Variants in MLLT3 observed in about 807,000 individuals in gnomAD.
MLLT3 encodes the protein MLLT3 super elongation complex subunit, also known as protein AF-9.
Under a neutral mutation model 53.2 loss-of-function variants are expected in MLLT3, and 4 were observed. The observed-to-expected ratio is 0.08, with a 90% CI of 0.04 to 0.17. The LOEUF is 0.17. Among genes scored for constraint, MLLT3 ranks in the 10% least tolerant of loss-of-function variants. MLLT3 has a pLI of 1.00. For missense variants in MLLT3, 569 were observed against 684.0 expected (o/e 0.83, Z 1.87); for synonymous variants, 283 against 230.6 (o/e 1.23, Z -2.06).
At chr9:20,503,489 A>C (rs1199263548) in intron 2 of MLLT3, among the ~76,000 whole-genome samples, 1 of 152,190 alleles carries the variant, frequency 6.6e-6, no homozygotes, top group Non-Finnish European at 1.5e-5. Context: ...ACTGGACACC[A>C]CACACATAAG....
rs189542410 is a variant in MLLT3, at chr9:20,605,888, G to C, written c.193+14766C>G. On this transcript the variant is annotated intron_variant, in intron 2 of 10. Coordinates refer to ENST00000380338, the MANE Select transcript of MLLT3 (RefSeq NM_004529.4). ...AAGACAATTACTAAGTGTTGGTTTTGTAAAGGAGTACAAATTACTTAACAT... is the reference window on the plus strand; with the variant it reads ...AAGACAATTACTAAGTGTTGGTTTTCTAAAGGAGTACAAATTACTTAACAT... Among the ~76,000 whole-genome samples, 7 of 152,136 alleles carry C rather than the reference G, an allele frequency of 4.6e-5. No homozygotes were observed. The East Asian group carries it at 1.4e-3, about 29-fold the overall frequency.
intron 9 of MLLT3, 118 bp downstream of exon 9, chr9:20,354,690 C>G: frequency 5.7e-6 from 4 of 707,728 alleles, no homozygotes; most frequent in Non-Finnish European, 9.9e-6. Context: ...ATTTGGGCAT[C>G]TTGGACACTT....
In MLLT3 at chr9:20,409,864, G is replaced by A. The variant is rs1250471889; in HGVS notation, c.1125+3857C>T. Reference sequence around the variant, plus strand: ...AATTATTCTTTCAGTTATATTAACAGTAACTCAAAGATAAATCATTTCTTA... The same window carrying A: ...AATTATTCTTTCAGTTATATTAACAATAACTCAAAGATAAATCATTTCTTA... On this transcript the variant is annotated intron_variant, in intron 5 of 10. Transcript: ENST00000380338. 2.0e-5 allele frequency among the ~76,000 whole-genome samples: 3 copies of A among 152,142 alleles called. No individual in the cohort carries two copies. In the East Asian group the frequency reaches 5.8e-4, roughly 29 times the overall value.
chr9:20,380,779 T>A (rs991917828), intron 5 of MLLT3, among the ~76,000 whole-genome samples: 1 of 152,020 alleles, frequency 6.6e-6, no homozygotes, highest in African/African-American at 2.4e-5. Context: ...TTAGGAACAA[T>A]GTGAAATGCG....
At chr9:20,606,633 AGT>A (rs1820578355) in intron 2 of MLLT3, among the ~76,000 whole-genome samples, 1 of 152,272 alleles carries the variant, frequency 6.6e-6, no homozygotes, top group Admixed American at 6.5e-5. Flanking sequence ...AAATTCACTC[AGT>A]GTCTTTCAAT....
intron 2 of MLLT3, among the ~76,000 whole-genome samples, chr9:20,569,737 C>A (rs146956327): frequency 6.6e-6 from 1 of 152,186 alleles, no homozygotes; most frequent in African/African-American, 2.4e-5. Flanking sequence ...TCTCCACTCA[C>A]AAGTTCTATG....
At chr9:20,522,007 GT>G (rs11345001) in intron 2 of MLLT3, among the ~76,000 whole-genome samples, 68,214 of 144,734 alleles carry the variant, frequency 0.47, 16,012 homozygotes, top group East Asian at 0.69. Flanking sequence ...GACTGTCACA[GT>G]TTTTTTTTTT....
chr9:20,583,827 G>A (rs887319126), intron 2 of MLLT3, among the ~76,000 whole-genome samples: 1 of 152,164 alleles, frequency 6.6e-6, no homozygotes, highest in African/African-American at 2.4e-5. Context: ...GGCATGTGAT[G>A]GAAGGCGCTG....
intron 2 of MLLT3, among the ~76,000 whole-genome samples, chr9:20,463,797 T>G (rs1824170084): frequency 6.6e-6 from 1 of 152,130 alleles, no homozygotes; most frequent in East Asian, 1.9e-4. Flanking sequence ...TTATTATCAT[T>G]TTCTTAAAGT....
intron 2 of MLLT3, among the ~76,000 whole-genome samples, chr9:20,513,155 TG>T (rs1297058833): frequency 1.3e-5 from 2 of 152,216 alleles, no homozygotes; most frequent in African/African-American, 4.8e-5. Flanking sequence ...TTCTTCATCC[TG>T]GCAGACAGCC....
chr9:20,513,799 T>C (rs543342509), intron 2 of MLLT3, among the ~76,000 whole-genome samples: 1 of 152,336 alleles, frequency 6.6e-6, no homozygotes, highest in Admixed American at 6.5e-5. Context: ...GCCCTGCTTC[T>C]GTGTGAAACA....
intron 5 of MLLT3, among the ~76,000 whole-genome samples, chr9:20,404,088 C>T (rs574264868): frequency 2.0e-5 from 3 of 152,094 alleles, no homozygotes; most frequent in South Asian, 2.1e-4. Flanking sequence ...CCCAAAGTGC[C>T]GGGACTACAG....
rs549237553 is a variant in MLLT3, at chr9:20,526,571, G to A, written c.194-69785C>T. Among the ~76,000 whole-genome samples, 14 of 152,220 alleles carry A rather than the reference G, an allele frequency of 9.2e-5. No individual in the cohort carries two copies. In the South Asian group the frequency reaches 2.7e-3, roughly 29 times the overall value. On this transcript the variant is annotated intron_variant, in intron 2 of 10. Coordinates refer to ENST00000380338, the MANE Select transcript of MLLT3 (RefSeq NM_004529.4). ...ATTCACTAATGTAGATCATTCTGTT[G>A]TAGGAACATTCTACAATGATTGACA...
rs1314472567 is a variant in MLLT3, at chr9:20,547,962, CAAAAT to C, written c.193+72687_193+72691del. Among the ~76,000 whole-genome samples, 15 of 152,230 alleles carry C rather than the reference CAAAAT, an allele frequency of 9.9e-5. No homozygotes were observed. The East Asian group carries it at 1.7e-3, about 18-fold the overall frequency. The stretch of plus-strand genomic sequence containing the variant: ...GCAAGATCTTATCTCAAAAATAAAA[CAAAAT>C]AAAAGTTGGTACATATTTTACACCT... On this transcript the variant is annotated intron_variant, in intron 2 of 10. Coordinates refer to ENST00000380338, the MANE Select transcript of MLLT3 (RefSeq NM_004529.4).
At chr9:20,477,758 T>A (rs1006917910) in intron 2 of MLLT3, among the ~76,000 whole-genome samples, 2 of 152,110 alleles carry the variant, frequency 1.3e-5, no homozygotes, top group Admixed American at 1.3e-4. Flanking sequence ...CACAGTATTA[T>A]CAACCTAATC....
At chr9:20,397,831 A>G (rs1375661385) in intron 5 of MLLT3, among the ~76,000 whole-genome samples, 1 of 152,118 alleles carries the variant, frequency 6.6e-6, no homozygotes, top group Non-Finnish European at 1.5e-5. Flanking sequence ...TCATAGATGT[A>G]ATGGCTCTTT....
chr9:20,586,383 T>G (rs1050859186), intron 2 of MLLT3, among the ~76,000 whole-genome samples: 3 of 146,746 alleles, frequency 2.0e-5, no homozygotes, highest in African/African-American at 7.5e-5. Context: ...GAAATCAAAG[T>G]CATTCTGTGA....
intron 2 of MLLT3, among the ~76,000 whole-genome samples, chr9:20,618,458 A>G (rs1167691306): frequency 2.0e-5 from 3 of 152,226 alleles, no homozygotes; most frequent in Non-Finnish European, 4.4e-5. Flanking sequence ...TTACAGTATG[A>G]CAAGGTCTCT....
At chr9:20,477,172 G>T (rs575722502) in intron 2 of MLLT3, among the ~76,000 whole-genome samples, 1 of 151,958 alleles carries the variant, frequency 6.6e-6, no homozygotes, top group African/African-American at 2.4e-5. Context: ...TGGAACCATG[G>T]GTTCCTTTCT....
Sources: gnomAD v4.1 joint callset for allele counts (sites outside exome capture counted in the v4.1 genomes callset) on GRCh38, gnomAD v4.1.1 for gene constraint, MANE v1.5 for transcripts, NCBI Gene and HGNC (gene_info 2026-07-23, HGNC 2026-07-21) for gene names.